Variants in CFI observed in about 807,000 individuals in gnomAD.
CFI encodes C3B/C4B inactivator.
CFI carries 66 observed loss-of-function variants against 78.8 expected under a neutral mutation model. The ratio of observed to expected loss-of-function variants is 0.84; its 90% confidence interval spans 0.69 to 1.03. The LOEUF (loss-of-function observed/expected upper bound fraction) is 1.03, where lower values mean the gene tolerates loss of function less well. Among genes scored for constraint, CFI ranks in the 50% least tolerant of loss-of-function variants. CFI has a pLI of 0.00. For synonymous variants in CFI, 250 were observed against 232.6 expected (o/e 1.07, Z -0.68); for missense variants, 706 against 704.5 (o/e 1.00, Z -0.02).
At chr4:109,794,470 A>C (rs1353270033) in intron 1 of CFI, 1 of 152,056 alleles carries the variant, frequency 6.6e-6, no homozygotes, top group Non-Finnish European at 1.5e-5. Flanking sequence ...TTTCAACTCC[A>C]GAAGTTTTGT....
At chr4:109,795,251 C>T (rs11932466) in intron 1 of CFI, among the ~76,000 whole-genome samples, 15,607 of 152,038 alleles carry the variant, frequency 0.1, 1,821 homozygotes, top group African/African-American at 0.28. Context: ...ACCACAGCAC[C>T]GAGCCCACTG....
At chr4:109,800,922 T>C (rs1170413872) in intron 1 of CFI, among the ~76,000 whole-genome samples, 4 of 152,186 alleles carry the variant, frequency 2.6e-5, no homozygotes, top group South Asian at 2.1e-4. Context: ...TTAATAAGCA[T>C]TTAGTTATTT....
At chr4:109,733,783 A>C in the CFI span, among the ~76,000 whole-genome samples, 6 of 152,260 alleles carry the variant, frequency 3.9e-5, no homozygotes, top group Non-Finnish European at 7.3e-5. Context: ...AATTTCAGTC[A>C]TACCATATCC....
chr4:109,757,936 C>A, intron 6 of CFI, 153 bp from the exon 7 acceptor site: 1 of 1,457,710 alleles, frequency 6.9e-7, no homozygotes. Flanking sequence ...AATGATTTAC[C>A]TTGAATTGTA....
intron 7 of CFI, among the ~76,000 whole-genome samples, chr4:109,754,940 T>C (rs897688423): frequency 1.3e-5 from 2 of 152,202 alleles, no homozygotes; most frequent in African/African-American, 4.8e-5. Context: ...TTTGATTATA[T>C]AAAAATTATG....
chr4:109,795,056 G>A (rs1044501211), intron 1 of CFI, among the ~76,000 whole-genome samples: 2 of 152,056 alleles, frequency 1.3e-5, no homozygotes, highest in Non-Finnish European at 2.9e-5. Flanking sequence ...AAAATTGAAA[G>A]GATAAGAAAA....
intron 7 of CFI, among the ~76,000 whole-genome samples, chr4:109,752,954 C>A (rs11936977): frequency 0.18 from 4,937 of 26,786 alleles, 1,645 homozygotes; most frequent in Non-Finnish European, 0.26. Flanking sequence ...ATTTATAATA[C>A]ATATTTATTA....
chr4:109,751,546 AT>A (rs1315989977), intron 8 of CFI, among the ~76,000 whole-genome samples: 1 of 146,728 alleles, frequency 6.8e-6, no homozygotes, highest in African/African-American at 2.5e-5. Flanking sequence ...GGTTCAAGCG[AT>A]TCTCCTGCCT....
At chr4:109,781,334 C>A (rs1192375244) in intron 1 of CFI, among the ~76,000 whole-genome samples, 2 of 152,078 alleles carry the variant, frequency 1.3e-5, no homozygotes, top group African/African-American at 2.4e-5. Context: ...GGAGATACTA[C>A]AACTGACACC....
chr4:109,791,856 G>T (rs772896651), intron 1 of CFI, among the ~76,000 whole-genome samples: 3 of 152,020 alleles, frequency 2.0e-5, no homozygotes, highest in Non-Finnish European at 4.4e-5. Context: ...ATATGTTTTG[G>T]TATGTTGTGT....
At chr4:109,745,066 G>A (rs947968429) in intron 11 of CFI, among the ~76,000 whole-genome samples, 26 of 152,246 alleles carry the variant, frequency 1.7e-4, no homozygotes, top group Admixed American at 5.9e-4. Context: ...TGAATGTGTT[G>A]GAATATGAGT....
chr4:109,740,435 T>G (rs1723654840), downstream of CFI, among the ~76,000 whole-genome samples: 1 of 152,166 alleles, frequency 6.6e-6, no homozygotes, highest in Non-Finnish European at 1.5e-5. Flanking sequence ...TGAAGTCAGT[T>G]ATTACCCTGT....
chr4:109,781,728 A>G (rs1247986538), intron 1 of CFI, among the ~76,000 whole-genome samples: 1 of 152,174 alleles, frequency 6.6e-6, no homozygotes, highest in East Asian at 1.9e-4. Context: ...ACAGACTGAT[A>G]TCTTTGAAGA....
chr4:109,752,594 T>A, intron 7 of CFI, 91 bp from the exon 8 acceptor site: 1 of 1,149,702 alleles, frequency 8.7e-7, no homozygotes, highest in Non-Finnish European at 1.3e-6. Flanking sequence ...ATTATAATTT[T>A]CTGCCTTAAA....
At chr4:109,744,326 G>A (rs554778630) in intron 11 of CFI, among the ~76,000 whole-genome samples, 1 of 152,240 alleles carries the variant, frequency 6.6e-6, no homozygotes, top group Admixed American at 6.5e-5. Context: ...TCTGGGATAT[G>A]GTTTAATATA....
chr4:109,780,048 G>T (rs1165313627), intron 1 of CFI, among the ~76,000 whole-genome samples: 1 of 152,102 alleles, frequency 6.6e-6, no homozygotes, highest in Non-Finnish European at 1.5e-5. Flanking sequence ...AACCCTAGAA[G>T]AAAACGCAGG....
At chr4:109,742,626 A>T in intron 11 of CFI, 31 bp from the exon 12 acceptor site, 1 of 1,366,550 alleles carries the variant, frequency 7.3e-7, no homozygotes. Flanking sequence ...AACATTTAGA[A>T]GTCACAAATG....
intron 1 of CFI, among the ~76,000 whole-genome samples, chr4:109,791,617 A>G (rs544736745): frequency 6.6e-6 from 1 of 152,164 alleles, no homozygotes; most frequent in Non-Finnish European, 1.5e-5. Flanking sequence ...TAATTTTTGT[A>G]TATGGTCTAA....
intron 1 of CFI, among the ~76,000 whole-genome samples, chr4:109,785,187 G>A (rs1278686161): frequency 6.6e-6 from 1 of 152,054 alleles, no homozygotes; most frequent in Admixed American, 6.6e-5. Context: ...CAGCCCGCCT[G>A]CACCCAGGTG....
Sources: gnomAD v4.1 joint callset for allele counts (sites outside exome capture counted in the v4.1 genomes callset) on GRCh38, gnomAD v4.1.1 for gene constraint, MANE v1.5 for transcripts, NCBI Gene and HGNC (gene_info 2026-07-23, HGNC 2026-07-21) for gene names.